The following ITGB1 variants were observed in gnomAD, a reference collection of about 807,000 sequenced individuals.
The protein encoded by ITGB1 is integrin beta-1.
In ITGB1, 24 loss-of-function variants were observed where a neutral mutation model predicts 86.5. That is an observed-to-expected ratio of 0.28 (90% confidence interval 0.20 to 0.39). The LOEUF is 0.39. Among genes scored for constraint, ITGB1 ranks in the 10% least tolerant of loss-of-function variants. The pLI is 1.00. For missense variants in ITGB1, 556 were observed against 946.9 expected (o/e 0.59, Z 5.42); for synonymous variants, 323 against 316.8 (o/e 1.02, Z -0.21).
At chr10:32,921,897 A>T (rs2094951222) in intron 9 of ITGB1, among the ~76,000 whole-genome samples, 1 of 152,170 alleles carries the variant, frequency 6.6e-6, no homozygotes, top group South Asian at 2.1e-4. Flanking sequence ...ATCAGAATAG[A>T]TGACTCTATA....
intron 1 of ITGB1, among the ~76,000 whole-genome samples, chr10:32,950,318 A>T (rs1489612100): frequency 6.6e-6 from 1 of 152,210 alleles, no homozygotes; most frequent in Non-Finnish European, 1.5e-5. Flanking sequence ...CGAGAAAAAC[A>T]TGAATGGAAG....
At chr10:32,916,677 C>T (rs1337215648) in intron 11 of ITGB1, among the ~76,000 whole-genome samples, 1 of 152,082 alleles carries the variant, frequency 6.6e-6, no homozygotes, top group East Asian at 1.9e-4. Context: ...AACCACTGCT[C>T]AACGAAATAA....
chr10:32,912,448 C>T (rs1051536823), intron 11 of ITGB1, among the ~76,000 whole-genome samples: 4 of 152,226 alleles, frequency 2.6e-5, no homozygotes, highest in Admixed American at 2.6e-4. Context: ...CACACTAATA[C>T]TGCGCTTTTC....
chr10:32,951,649 C>T (rs2095042841), intron 1 of ITGB1: 1 of 152,230 alleles, frequency 6.6e-6, no homozygotes, highest in South Asian at 2.1e-4. Flanking sequence ...GCTCCTCCTT[C>T]CACTCAAAAG....
Position 32,920,093 on chromosome 10 carries a change from G to GA in ITGB1, c.1270-10dup, listed in dbSNP as rs556334352. ...CTAATTTCAAATTGAACCTTGAAGG[G>GA]AAAAAAAAGATTAACAACCAACTAA... On this transcript the variant is annotated splice_polypyrimidine_tract_variant and intron_variant, in intron 10 of 15. Transcript: ENST00000302278. The GA allele has an allele frequency of 7.8e-5, 124 of 1,596,740 alleles. 1 individual carries two copies. In the East Asian group the frequency reaches 1.4e-3, roughly 18 times the overall value.
chr10:32,945,626 A>T (rs1355010196), intron 1 of ITGB1, among the ~76,000 whole-genome samples: 1 of 152,146 alleles, frequency 6.6e-6, no homozygotes, highest in African/African-American at 2.4e-5. Flanking sequence ...TGATTGATAA[A>T]ATGTCCATAT....
At chr10:32,957,392 C>T (rs190676480) in intron 1 of ITGB1, among the ~76,000 whole-genome samples, 84 of 152,308 alleles carry the variant, frequency 5.5e-4, no homozygotes, top group African/African-American at 1.9e-3. Flanking sequence ...GCTCGCGGAC[C>T]GGGTCTGAGC....
intron 15 of ITGB1, among the ~76,000 whole-genome samples, chr10:32,903,375 A>AG (rs1217410768): frequency 2.1e-5 from 3 of 142,980 alleles, no homozygotes; most frequent in African/African-American, 7.7e-5. Context: ...AAAAAAAAAG[A>AG]GGAAAAAAAA....
At chr10:32,920,741 G>C (rs1481746278) in intron 9 of ITGB1, among the ~76,000 whole-genome samples, 4 of 151,768 alleles carry the variant, frequency 2.6e-5, no homozygotes, top group Non-Finnish European at 4.4e-5. Context: ...GGGAGGCCAA[G>C]GTAGGTGGAC....
intron 11 of ITGB1, among the ~76,000 whole-genome samples, chr10:32,912,912 G>C (rs2094918130): frequency 6.6e-6 from 1 of 152,212 alleles, no homozygotes; most frequent in Admixed American, 6.5e-5. Context: ...ACACCTCCTA[G>C]TAGGGGCTGA....
chr10:32,942,162 G>A (rs2095019879), intron 1 of ITGB1, among the ~76,000 whole-genome samples: 1 of 152,196 alleles, frequency 6.6e-6, no homozygotes, highest in South Asian at 2.1e-4. Flanking sequence ...CCTCCTTGGA[G>A]CAAAGAGGGA....
chr10:32,958,213 C>A lies in ITGB1; in HGVS notation c.-69G>T, dbSNP rs1398186092. ...CTGCTGTTCCGCGACTCCCGCTGGG[C>A]CTCTCCCGCGGGCTGGCGGGGCCTC... On this transcript the variant is annotated 5_prime_UTR_variant, in exon 1 of 16. Transcript: ENST00000302278. 1 of 151,430 alleles carries A rather than the reference C, an allele frequency of 6.6e-6. No individual in the cohort carries two copies. The highest frequency in any genetic ancestry group is 1.5e-5 in the Non-Finnish European group (1 of 67,918). The allele number at this position is 151,430 out of a possible 1,614,324, so 9.4% of individuals were successfully genotyped here.
In ITGB1 at chr10:32,935,453, G is replaced by A. The variant is rs184749594; in HGVS notation, c.67+39C>T. On this transcript the variant is annotated intron_variant, in intron 2 of 15. Coordinates refer to ENST00000302278, the MANE Select transcript of ITGB1 (RefSeq NM_002211.4). ...CTGGTCAAAGCGCAATACAAGATACGGAAATGAAAAGACAACTAAGAAAAT... is the reference window on the plus strand; with the variant it reads ...CTGGTCAAAGCGCAATACAAGATACAGAAATGAAAAGACAACTAAGAAAAT... 5.8e-4 allele frequency: 769 copies of A among 1,336,376 alleles called. 1 individual carries two copies. Among genetic ancestry groups the A allele is most frequent in the Non-Finnish European group, 7.4e-4 (691 of 927,814 alleles). The allele number at this position is 1,336,376 out of a possible 1,614,324, so 82.8% of individuals were successfully genotyped here. A position where few individuals can be genotyped will look rare whatever the true frequency, so the allele number is the denominator to read the frequency against.
intron 5 of ITGB1, among the ~76,000 whole-genome samples, chr10:32,927,702 G>A (rs1302812018): frequency 1.3e-5 from 2 of 152,146 alleles, no homozygotes; most frequent in African/African-American, 2.4e-5. Flanking sequence ...GCTGTGGCAG[G>A]AAAATCACTT....
intron 1 of ITGB1, among the ~76,000 whole-genome samples, chr10:32,951,251 C>T (rs2137266968): frequency 6.6e-6 from 1 of 152,062 alleles, no homozygotes; most frequent in East Asian, 1.9e-4. Context: ...GTAAACAGAA[C>T]TAAGGAAGAA....
intron 15 of ITGB1, among the ~76,000 whole-genome samples, chr10:32,903,351 C>CAAACAAAAAAAAAAAA (rs1555218828): frequency 1.8e-5 from 1 of 57,042 alleles, no homozygotes; most frequent in African/African-American, 6.8e-5. Context: ...GACTCCATCT[C>CAAACAAAAAAAAAAAA]AAAAAAAAAA....
At chr10:32,926,218 T>G (rs2094964011) in intron 5 of ITGB1, 109 bp from the exon 6 acceptor site, 1 of 805,124 alleles carries the variant, frequency 1.2e-6, no homozygotes, top group African/African-American at 1.7e-5. Context: ...TAGGTTACTA[T>G]GGACTGAATG....
chr10:32,922,420 T>A, intron 8 of ITGB1, 74 bp from the exon 9 acceptor site: 1 of 1,039,050 alleles, frequency 9.6e-7, no homozygotes. Flanking sequence ...TGAGCAACTT[T>A]TATCTTTAAA....
At chr10:32,938,816 G>A (rs1193561360) in intron 1 of ITGB1, among the ~76,000 whole-genome samples, 1 of 152,204 alleles carries the variant, frequency 6.6e-6, no homozygotes, top group Non-Finnish European at 1.5e-5. Context: ...AAAGGCTAGA[G>A]GATGACTCCA....
Sources: allele counts gnomAD v4.1 joint callset (sites outside exome capture counted in the v4.1 genomes callset), GRCh38; gene constraint gnomAD v4.1.1; transcripts MANE v1.5; gene names NCBI Gene and HGNC (gene_info 2026-07-23, HGNC 2026-07-21).